The following CAMSAP1 variants were observed in gnomAD, a reference collection of about 807,000 sequenced individuals.
The protein encoded by CAMSAP1 is calmodulin regulated spectrin associated protein 1.
In CAMSAP1, 58 loss-of-function variants were observed where a neutral mutation model predicts 143.5. The observed-to-expected ratio is 0.40, with a 90% CI of 0.33 to 0.50. CAMSAP1 has a LOEUF of 0.50. Among genes scored for constraint, CAMSAP1 ranks in the 20% least tolerant of loss-of-function variants. The probability of loss-of-function intolerance (pLI) is 0.45; values close to 1 mark genes in which losing one functional copy is unlikely to be tolerated. For synonymous variants in CAMSAP1, 945 were observed against 859.3 expected (o/e 1.10, Z -1.74); for missense variants, 1,969 against 2,115.7 (o/e 0.93, Z 1.36).
At chr9:135,869,059 A>G (rs1266461431) in intron 3 of CAMSAP1, among the ~76,000 whole-genome samples, 1 of 152,242 alleles carries the variant, frequency 6.6e-6, no homozygotes, top group Non-Finnish European at 1.5e-5. Context: ...TAAAAGGTCC[A>G]GGAAGAATGC....
intron 1 of CAMSAP1, among the ~76,000 whole-genome samples, chr9:135,884,067 C>T (rs1239882060): frequency 6.6e-6 from 1 of 152,198 alleles, no homozygotes; most frequent in Non-Finnish European, 1.5e-5. Flanking sequence ...GGGATGTCTG[C>T]AGTCAGACAC....
At chr9:135,906,408 T>C (rs1838778458) in intron 1 of CAMSAP1, among the ~76,000 whole-genome samples, 1 of 152,224 alleles carries the variant, frequency 6.6e-6, no homozygotes, top group South Asian at 2.1e-4. Context: ...AGCGTCTTAA[T>C]CCACTAAGCA....
intron 1 of CAMSAP1, among the ~76,000 whole-genome samples, chr9:135,896,186 T>G (rs1838445147): frequency 6.6e-6 from 1 of 151,904 alleles, no homozygotes; most frequent in Admixed American, 6.6e-5. Context: ...ATTCAACAAC[T>G]TAAGTAGGTT....
intron 1 of CAMSAP1, among the ~76,000 whole-genome samples, chr9:135,887,733 G>A (rs1262146688): frequency 6.6e-6 from 1 of 152,118 alleles, no homozygotes. Context: ...GGCCCAGCCT[G>A]GAGGAAGTGG....
chr9:135,812,531 C>T (rs995943111), intron 16 of CAMSAP1, among the ~76,000 whole-genome samples: 2 of 151,760 alleles, frequency 1.3e-5, no homozygotes, highest in African/African-American at 2.4e-5. Flanking sequence ...TGACTGTTCA[C>T]GGGCGTGGAG....
At position 135,811,461 on chromosome 9, in the gene CAMSAP1, C is replaced by G. The variant is rs1435605209; in HGVS notation, c.4657G>C (p.Asp1553His). Reference sequence around the variant, plus strand: ...TCTGAGCTGTATTTATACAGTTTGTCGATCATTTTCTTGGTGATGTTCTTT... The same window carrying G: ...TCTGAGCTGTATTTATACAGTTTGTGGATCATTTTCTTGGTGATGTTCTTT... Reference protein sequence around the residue: ...GPKNITKKMIDKLYKYSSDRK... With the variant: ...GPKNITKKMIHKLYKYSSDRK... Residue 1553 changes from aspartate to histidine, a missense_variant, in exon 17 of 17, where the codon GAC (aspartate) becomes CAC (histidine). Coordinates refer to ENST00000389532, the MANE Select transcript of CAMSAP1 (RefSeq NM_015447.4). This position sits in a 1 kb window ranked among gnomAD's most constrained non-coding sequence, Gnocchi z 4.9. The G allele has an allele frequency of 6.2e-7, 1 of 1,611,960 alleles. No homozygotes were observed. Among genetic ancestry groups the G allele is most frequent in the South Asian group, 1.1e-5 (1 of 90,658 alleles).
At chr9:135,879,603 G>C (rs1036912637) in intron 3 of CAMSAP1, among the ~76,000 whole-genome samples, 1 of 151,732 alleles carries the variant, frequency 6.6e-6, no homozygotes, top group African/African-American at 2.4e-5. Flanking sequence ...GAAGACATGG[G>C]AAAAGACACC....
At chr9:135,814,128 A>G (rs1042628969) in intron 16 of CAMSAP1, among the ~76,000 whole-genome samples, 20 of 152,310 alleles carry the variant, frequency 1.3e-4, no homozygotes, top group Middle Eastern at 3.4e-3. Flanking sequence ...GTGGAAATCT[A>G]AGCAGGAAGG....
At chr9:135,897,362 C>G (rs1375205273) in intron 1 of CAMSAP1, among the ~76,000 whole-genome samples, 2 of 152,038 alleles carry the variant, frequency 1.3e-5, no homozygotes, top group Admixed American at 1.3e-4. Flanking sequence ...CTATGTTGCC[C>G]AGGCTGGTCT....
At chr9:135,813,093 G>A (rs1170054208) in intron 16 of CAMSAP1, among the ~76,000 whole-genome samples, 1 of 152,218 alleles carries the variant, frequency 6.6e-6, no homozygotes, top group Non-Finnish European at 1.5e-5. Flanking sequence ...CACACGCCTG[G>A]GAATGGGAGT....
At chr9:135,834,546 A>T (rs1259523418) in intron 7 of CAMSAP1, among the ~76,000 whole-genome samples, 2 of 152,262 alleles carry the variant, frequency 1.3e-5, no homozygotes, top group Admixed American at 1.3e-4. Flanking sequence ...AATAAGCCAG[A>T]CACAGAAAGA....
At chr9:135,841,503 A>C (rs1206013553) in intron 7 of CAMSAP1, among the ~76,000 whole-genome samples, 1 of 152,230 alleles carries the variant, frequency 6.6e-6, no homozygotes, top group East Asian at 1.9e-4. Flanking sequence ...AGCTCTGCTA[A>C]GGGACAGACT....
chr9:135,857,878 T>C (rs1366342478), intron 5 of CAMSAP1, among the ~76,000 whole-genome samples: 1 of 152,190 alleles, frequency 6.6e-6, no homozygotes, highest in Non-Finnish European at 1.5e-5. Context: ...GATTTCAGTG[T>C]CACCTCATCC....
chr9:135,904,085 G>A lies in CAMSAP1; in HGVS notation c.160+2915C>T, dbSNP rs191858986. On this transcript the variant is annotated intron_variant, in intron 1 of 16. Transcript: ENST00000389532. Reference sequence around the variant, plus strand: ...AATTTTTACACAGTTTTACACAGGAGGTCTAAGTGCGGTGCCTCATGCCTG... The same window carrying A: ...AATTTTTACACAGTTTTACACAGGAAGTCTAAGTGCGGTGCCTCATGCCTG... 6.2e-3 allele frequency among the ~76,000 whole-genome samples: 945 copies of A among 152,304 alleles called. 13 individuals are homozygous for A. Among genetic ancestry groups the A allele is most frequent in the Admixed American group, 0.027 (409 of 15,290 alleles).
intron 5 of CAMSAP1, 122 bp from the exon 6 acceptor site, chr9:135,850,583 G>C: frequency 1.3e-6 from 1 of 749,230 alleles, no homozygotes; most frequent in Admixed American, 3.3e-5. Flanking sequence ...GACATTGAGA[G>C]ATGTAGGGAG....
At chr9:135,853,515 G>A (rs776885896) in intron 5 of CAMSAP1, among the ~76,000 whole-genome samples, 1 of 152,212 alleles carries the variant, frequency 6.6e-6, no homozygotes, top group Non-Finnish European at 1.5e-5. Context: ...CAAGTTTTCA[G>A]AACAATCTGG....
In CAMSAP1 at chr9:135,821,675, G is replaced by A; in HGVS notation, c.2986C>T (p.Leu996=). 1 of 1,614,032 alleles carries A rather than the reference G, an allele frequency of 6.2e-7. No homozygotes were observed. Among genetic ancestry groups the A allele is most frequent in the Non-Finnish European group, 8.5e-7 (1 of 1,179,904 alleles). Residue 996 remains leucine, a synonymous_variant, in exon 11 of 17, where the codon CTG becomes TTG. Transcript: ENST00000389532. This position sits in a 1 kb window ranked among gnomAD's most constrained non-coding sequence, Gnocchi z 4.6. ...KAKDPVALHE[L]ERNKVISAAL... ...GCGGAGATCACCTTATTTCTCTCCA[G>A]CTCGTGCAGAGCCACAGGGTCTTTT...
At chr9:135,886,554 A>C (rs991231900) in intron 1 of CAMSAP1, among the ~76,000 whole-genome samples, 2 of 152,378 alleles carry the variant, frequency 1.3e-5, no homozygotes, top group Admixed American at 1.3e-4. Context: ...TCATTAGCTC[A>C]CCAGGCTCTT....
intron 15 of CAMSAP1, among the ~76,000 whole-genome samples, chr9:135,815,575 C>T (rs951069597): frequency 4.6e-5 from 7 of 152,250 alleles, no homozygotes; most frequent in East Asian, 1.9e-4. Flanking sequence ...CCTGAGCCCA[C>T]GCCTGCTCCA....
Sources: allele counts gnomAD v4.1 joint callset (sites outside exome capture counted in the v4.1 genomes callset), GRCh38; gene constraint gnomAD v4.1.1; non-coding constraint Gnocchi (gnomAD v3.1); transcripts MANE v1.5; gene names NCBI Gene and HGNC (gene_info 2026-07-23, HGNC 2026-07-21).